NCOR2: variants seen among roughly 807,000 people sequenced by gnomAD.
NCOR2 encodes CTG repeat protein 26.
Under a neutral mutation model 262.9 loss-of-function variants are expected in NCOR2, and 81 were observed. That is an observed-to-expected ratio of 0.31 (90% CI 0.26 to 0.37). NCOR2 has a LOEUF of 0.37. Ranked by LOEUF, NCOR2 falls within the 10% of genes least tolerant of loss-of-function variation. NCOR2 has a pLI of 1.00. For synonymous variants in NCOR2, 1,659 were observed against 1,559.3 expected (o/e 1.06, Z -1.51); for missense variants, 3,385 against 3,621.4 (o/e 0.93, Z 1.68).
chr12:124,325,432 C>CGAGCA lies in NCOR2; in HGVS notation c.7510_7514dup (p.Gln2506AlafsTer70), dbSNP rs2034543169. The CGAGCA allele has an allele frequency of 9.2e-7, 1 of 1,082,616 alleles. No individual in the cohort carries two copies. The allele number at this position is 1,082,616 out of a possible 1,614,324, so 67.1% of individuals were successfully genotyped here. A position where few individuals can be genotyped will look rare whatever the true frequency, so the allele number is the denominator to read the frequency against. On this transcript the variant is annotated frameshift_variant, in exon 47 of 47. Coordinates refer to ENST00000405201, the Ensembl canonical transcript of NCOR2. LOFTEE classifies it high-confidence loss of function. ...CGCTGTCGGAGAGTGTCTCGTACTG[C>CGAGCA]GAGCAGAGCAGTGGCTTGGGCTCCT...
intron 15 of NCOR2, 132 bp from the exon 18 acceptor site, chr12:124,398,313 C>A: frequency 1.1e-6 from 1 of 914,240 alleles, no homozygotes; most frequent in Non-Finnish European, 1.7e-6. Flanking sequence ...CTCTGAACCC[C>A]GTGGGAAGGC....
At chr12:124,411,178 G>A (rs1322169016) in intron 13 of NCOR2, among the ~76,000 whole-genome samples, 12 of 152,062 alleles carry the variant, frequency 7.9e-5, no homozygotes, top group East Asian at 1.9e-4. Flanking sequence ...CAGACGAGAC[G>A]TGGACACAGA....
intron 1 of NCOR2, chr12:124,513,227 C>G (rs1031180813): frequency 3.9e-5 from 6 of 152,244 alleles, no homozygotes; most frequent in African/African-American, 1.4e-4. Context: ...GCCTCAGGAA[C>G]AAAGGGCTCA....
intron 1 of NCOR2, among the ~76,000 whole-genome samples, chr12:124,532,438 C>T (rs552390991): frequency 7.9e-5 from 12 of 152,336 alleles, no homozygotes; most frequent in Non-Finnish European, 1.6e-4. Context: ...CCTGCTGGCC[C>T]CCAGACAGGC....
chr12:124,546,881 T>C (rs1259291614), intron 1 of NCOR2, among the ~76,000 whole-genome samples: 3 of 152,204 alleles, frequency 2.0e-5, no homozygotes, highest in Non-Finnish European at 2.9e-5. Flanking sequence ...ACTGTGATGG[T>C]AGAGCAGTGC....
chr12:124,509,341 G>A (rs1458537930), intron 1 of NCOR2, among the ~76,000 whole-genome samples: 2 of 151,938 alleles, frequency 1.3e-5, no homozygotes, highest in Admixed American at 1.3e-4. Context: ...TTCCACTGGG[G>A]CTACTGAACT....
intron 1 of NCOR2, among the ~76,000 whole-genome samples, chr12:124,561,373 C>T (rs927708304): frequency 5.3e-5 from 8 of 152,156 alleles, no homozygotes; most frequent in Non-Finnish European, 7.4e-5. Context: ...CACTTCAAGC[C>T]GTGACTGCCT....
intron 4 of NCOR2, 90 bp from the exon 7 acceptor site, chr12:124,466,376 G>T: frequency 1.7e-6 from 2 of 1,200,688 alleles, no homozygotes; most frequent in Non-Finnish European, 2.4e-6. Context: ...CCCCCTTGCA[G>T]CCCGGGCCAC....
upstream of NCOR2, among the ~76,000 whole-genome samples, chr12:124,497,027 C>G (rs1309670041): frequency 6.6e-6 from 1 of 152,196 alleles, no homozygotes; most frequent in Non-Finnish European, 1.5e-5. The surrounding 1 kb of genome is among the most constrained non-coding windows in gnomAD (Gnocchi z 4.2). Context: ...AGGTTGTGTC[C>G]GATGGTGGCT....
intron 5 of NCOR2, among the ~76,000 whole-genome samples, chr12:124,460,185 G>T (rs1426136198): frequency 6.6e-6 from 1 of 152,232 alleles, no homozygotes; most frequent in East Asian, 1.9e-4. Context: ...TCCATGAGGA[G>T]CAAGGTGCCT....
chr12:124,558,873 G>A (rs701027), intron 1 of NCOR2, among the ~76,000 whole-genome samples: 1 of 151,936 alleles, frequency 6.6e-6, no homozygotes, highest in Non-Finnish European at 1.5e-5. Context: ...CACCGCCAGG[G>A]AAACTGAGGA....
rs148533309 is a variant in NCOR2 at position 124,353,315 on chromosome 12, G to T, written c.3693+778C>A. 1.2e-4 allele frequency among the ~76,000 whole-genome samples: 19 copies of T among 152,352 alleles called. No homozygotes were observed. The East Asian group carries it at 3.7e-3, about 29-fold the overall frequency. On this transcript the variant is annotated intron_variant, in intron 27 of 46. Transcript: ENST00000405201. ...GCTGGCACCCGAGGGCCCTCAGCCT[G>T]ACTTTTGTCCAAAGCACTTGCCCTT...
In NCOR2 at chr12:124,420,064, C is replaced by T. The variant is rs2136293579; in HGVS notation, c.1384-9G>A. 1.2e-6 allele frequency: 2 copies of T among 1,609,212 alleles called. No homozygotes were observed. Among genetic ancestry groups the T allele is most frequent in the East Asian group, 4.5e-5 (2 of 44,844 alleles). Reference sequence around the variant, plus strand: ...ACGCACTCAGCCACTGTCTGTGGGACAGAGAAAGAGGACGCTGAGCAGGGT... The same window carrying T: ...ACGCACTCAGCCACTGTCTGTGGGATAGAGAAAGAGGACGCTGAGCAGGGT... On this transcript the variant is annotated splice_polypyrimidine_tract_variant and intron_variant, in intron 12 of 46. Transcript: ENST00000405201.
At position 124,524,647 on chromosome 12, in the gene NCOR2, G is replaced by A. The variant is rs147857352; in HGVS notation, c.-118+10918C>T. ...CACTCTGAGGACCCATCAACTCCCC[G>A]TCATAGCCTAACTCGGCTCGAGTGT... On this transcript the variant is annotated intron_variant, in intron 1 of 46. Transcript: ENST00000404621. Among the ~76,000 whole-genome samples the A allele has an allele frequency of 6.7e-3, 1,016 of 152,302 alleles. 10 individuals are homozygous for A. Among genetic ancestry groups the A allele is most frequent in the African/African-American group, 0.023 (937 of 41,566 alleles).
chr12:124,527,951 C>T (rs2050569738), intron 1 of NCOR2, among the ~76,000 whole-genome samples: 1 of 152,248 alleles, frequency 6.6e-6, no homozygotes, highest in Non-Finnish European at 1.5e-5. Context: ...GCTGCGTGTG[C>T]TGTGGCCCCA....
rs760396797 is a variant in NCOR2 at position 124,354,048 on chromosome 12, G to A, written c.3693+45C>T. The A allele has an allele frequency of 3.2e-5, 50 of 1,548,794 alleles. 1 individual carries two copies. The highest frequency in any genetic ancestry group is 4.6e-5 in the South Asian group (4 of 87,188). On this transcript the variant is annotated intron_variant, in intron 27 of 46. Coordinates refer to ENST00000405201, the Ensembl canonical transcript of NCOR2. ...AGGGGTTATAAGATGGGCTGGCCCCGTGCTGGTCCCAACCGTCCTTCCTGC... is the reference window on the plus strand; with the variant it reads ...AGGGGTTATAAGATGGGCTGGCCCCATGCTGGTCCCAACCGTCCTTCCTGC...
chr12:124,344,589 C>A lies in NCOR2; in HGVS notation c.4714+8G>T, dbSNP rs1033334052. The stretch of plus-strand genomic sequence containing the variant: ...CACCCCACTCACGCCCATGCACACC[C>A]CACTCACCCTCCTGCAGGCGCGGCG... On this transcript the variant is annotated splice_region_variant and intron_variant, in intron 32 of 46. Coordinates refer to ENST00000405201, the Ensembl canonical transcript of NCOR2. The A allele has an allele frequency of 3.5e-6, 5 of 1,447,992 alleles. No individual in the cohort carries two copies. The African/African-American group carries it at 7.2e-5, about 21-fold the overall frequency. The allele number at this position is 1,447,992 out of a possible 1,614,324, so 89.7% of individuals were successfully genotyped here.
At chr12:124,499,050 C>T (rs1032587092), upstream of NCOR2, among the ~76,000 whole-genome samples, 3 of 152,208 alleles carry the variant, frequency 2.0e-5, no homozygotes, top group Non-Finnish European at 4.4e-5. Flanking sequence ...GGTTTTGAAA[C>T]TTGATAGAGG....
intron 13 of NCOR2, among the ~76,000 whole-genome samples, chr12:124,409,689 T>C (rs939170641): frequency 2.0e-5 from 3 of 152,054 alleles, no homozygotes; most frequent in African/African-American, 7.2e-5. Flanking sequence ...TTGCCCTTTT[T>C]TTTGGACGCA....
Sources: gnomAD v4.1 joint callset for allele counts (sites outside exome capture counted in the v4.1 genomes callset) on GRCh38, gnomAD v4.1.1 for gene constraint, Gnocchi (gnomAD v3.1) non-coding constraint, MANE v1.5 for transcripts, NCBI Gene and HGNC (gene_info 2026-07-23, HGNC 2026-07-21) for gene names.